RNF150: variants seen among roughly 807,000 people sequenced by gnomAD.
RNF150 encodes ring finger protein 150.
In RNF150, 24 loss-of-function variants were observed where a neutral mutation model predicts 39.3. That is an observed-to-expected ratio of 0.61 (90% CI 0.44 to 0.86). The LOEUF is 0.86. RNF150 is among the 40% of genes least tolerant of loss of function. The pLI, the probability that RNF150 is intolerant of heterozygous loss-of-function variation, is 0.00. For synonymous variants in RNF150, 255 were observed against 227.3 expected (o/e 1.12, Z -1.10); for missense variants, 502 against 587.8 (o/e 0.85, Z 1.51).
intron 1 of RNF150, among the ~76,000 whole-genome samples, chr4:141,064,050 A>G (rs191005922): frequency 6.6e-6 from 1 of 151,952 alleles, no homozygotes; most frequent in South Asian, 2.1e-4. Flanking sequence ...AAGTTAAAAA[A>G]CGGCCTCCTA....
At chr4:141,175,025 G>C (rs1446945273) in intron 1 of RNF150, among the ~76,000 whole-genome samples, 1 of 152,156 alleles carries the variant, frequency 6.6e-6, no homozygotes, top group Non-Finnish European at 1.5e-5. Context: ...TTTTCTGTTA[G>C]ATGATGGAAG....
In RNF150 at chr4:140,865,553, CTTTTTTTT is replaced by C. The variant is rs11384745; in HGVS notation, c.*2700_*2707del. ...CTTTCTGGTTAAGCTTTTTTTTTTTCTTTTTTTTTTTTTTTTTAAACTATCAAAGCTAC... is the reference window on the plus strand; with the variant it reads ...CTTTCTGGTTAAGCTTTTTTTTTTTCTTTTTTTTTAAACTATCAAAGCTAC... On this transcript the variant is annotated 3_prime_UTR_variant, in exon 7 of 7. Coordinates refer to ENST00000515673, the MANE Select transcript of RNF150 (RefSeq NM_020724.2). 1.6e-5 allele frequency: 2 copies of C among 124,104 alleles called. No individual in the cohort carries two copies. The highest frequency in any genetic ancestry group is 3.5e-5 in the Non-Finnish European group (2 of 57,376). 7.7% of individuals were successfully genotyped at this position (124,104 alleles called of 1,614,324 possible). A position where few individuals can be genotyped will look rare whatever the true frequency, so the allele number is the denominator to read the frequency against.
intron 1 of RNF150, among the ~76,000 whole-genome samples, chr4:140,990,526 T>C (rs1302899094): frequency 6.6e-6 from 1 of 152,176 alleles, no homozygotes; most frequent in Non-Finnish European, 1.5e-5. Flanking sequence ...TAGTGTGTGT[T>C]GTTCCCCTCC....
chr4:140,912,923 C>T, intron 5 of RNF150, among the ~76,000 whole-genome samples: 1 of 149,878 alleles, frequency 6.7e-6, no homozygotes, highest in South Asian at 2.1e-4. Context: ...AATCTCTTCT[C>T]CAGTGTATTT....
intron 1 of RNF150, among the ~76,000 whole-genome samples, chr4:141,003,566 T>TACACACAC (rs70946725): frequency 0.014 from 2,052 of 142,512 alleles, 38 homozygotes; most frequent in African/African-American, 0.035. Context: ...CCCTAGCACG[T>TACACACAC]ACACACACAC....
chr4:141,183,468 T>C (rs1254771529), intron 1 of RNF150, among the ~76,000 whole-genome samples: 1 of 152,204 alleles, frequency 6.6e-6, no homozygotes, highest in African/African-American at 2.4e-5. Flanking sequence ...ATTTTGCAGA[T>C]ATAATTAAGG....
At chr4:141,056,037 C>T (rs1736954725) in intron 1 of RNF150, among the ~76,000 whole-genome samples, 1 of 152,110 alleles carries the variant, frequency 6.6e-6, no homozygotes. Flanking sequence ...CTCTTTACAT[C>T]AAGAGGGTAA....
intron 1 of RNF150, among the ~76,000 whole-genome samples, chr4:141,035,778 T>C (rs555016680): frequency 1.3e-5 from 2 of 152,284 alleles, no homozygotes; most frequent in East Asian, 3.9e-4. Flanking sequence ...GTGGAAAAGA[T>C]TGTTCAAGAT....
At chr4:141,052,607 C>T (rs1736820119) in intron 1 of RNF150, among the ~76,000 whole-genome samples, 1 of 152,118 alleles carries the variant, frequency 6.6e-6, no homozygotes, top group Non-Finnish European at 1.5e-5. Context: ...GACTCCTGAC[C>T]TGAGGTGATC....
intron 1 of RNF150, among the ~76,000 whole-genome samples, chr4:141,173,922 G>A (rs1339081718): frequency 6.6e-6 from 1 of 152,138 alleles, no homozygotes; most frequent in African/African-American, 2.4e-5. Flanking sequence ...TCAATTTGGT[G>A]TGTATTTTCC....
chr4:141,093,223 G>T (rs1023486125), intron 1 of RNF150, among the ~76,000 whole-genome samples: 1 of 151,998 alleles, frequency 6.6e-6, no homozygotes, highest in Admixed American at 6.5e-5. Context: ...AGAATTGGCC[G>T]GGCATGGTGG....
intron 1 of RNF150, among the ~76,000 whole-genome samples, chr4:141,000,010 AGAAGAAGAAGAAGAAGAAGAAG>A (rs1734565474): frequency 2.7e-5 from 1 of 37,374 alleles, no homozygotes. Flanking sequence ...AAGAAGAAGA[AGAAGAAGAAGAAGAAGAAGAAG>A]AAGAAGAAGA....
chr4:140,976,185 C>A (rs1357594462), intron 1 of RNF150, among the ~76,000 whole-genome samples: 1 of 152,062 alleles, frequency 6.6e-6, no homozygotes, highest in Non-Finnish European at 1.5e-5. Context: ...TGCCTCAGCA[C>A]CAGAAGATGG....
chr4:140,916,934 G>A (rs1369582059), intron 5 of RNF150, among the ~76,000 whole-genome samples: 2 of 152,248 alleles, frequency 1.3e-5, no homozygotes, highest in Middle Eastern at 3.4e-3. Context: ...TTCATATCCA[G>A]CCAAACTAAG....
In RNF150 at chr4:141,010,833, C is replaced by G. The variant is rs148595529; in HGVS notation, c.485-42960G>C. ...GCCCTGACATTGGGAAGTCTGGGGT[C>G]CTGAGGGAAAGAAGTCTGCGGGTTC... is the stretch of plus-strand genomic sequence containing the variant. On this transcript the variant is annotated intron_variant, in intron 1 of 6. Transcript: ENST00000515673. Among the ~76,000 whole-genome samples, 244 of 152,124 alleles carry G rather than the reference C, an allele frequency of 1.6e-3. 1 individual carries two copies. Among genetic ancestry groups the G allele is most frequent in the African/African-American group, 5.5e-3 (228 of 41,482 alleles).
intron 1 of RNF150, among the ~76,000 whole-genome samples, chr4:141,114,078 C>G (rs1038189781): frequency 1.3e-5 from 2 of 151,974 alleles, no homozygotes; most frequent in Non-Finnish European, 2.9e-5. Flanking sequence ...CATTGACACC[C>G]CAAAATCACA....
intron 1 of RNF150, among the ~76,000 whole-genome samples, chr4:141,050,092 G>A (rs1044585249): frequency 6.6e-6 from 1 of 151,640 alleles, no homozygotes; most frequent in Non-Finnish European, 1.5e-5. Flanking sequence ...AAGAACAGCA[G>A]AAACACATAT....
At chr4:141,052,021 G>A (rs1317119597) in intron 1 of RNF150, among the ~76,000 whole-genome samples, 1 of 152,176 alleles carries the variant, frequency 6.6e-6, no homozygotes, top group African/African-American at 2.4e-5. Flanking sequence ...CACATCTTAA[G>A]TGGATGGTAG....
At chr4:140,929,947 G>C (rs1397788357) in intron 4 of RNF150, among the ~76,000 whole-genome samples, 1 of 152,112 alleles carries the variant, frequency 6.6e-6, no homozygotes, top group Non-Finnish European at 1.5e-5. Context: ...AATAACTTGA[G>C]TTCAGGAGTT....
Sources: allele counts gnomAD v4.1 joint callset (sites outside exome capture counted in the v4.1 genomes callset), GRCh38; gene constraint gnomAD v4.1.1; transcripts MANE v1.5; gene names NCBI Gene and HGNC (gene_info 2026-07-23, HGNC 2026-07-21).